DLG2: variants seen among roughly 807,000 people sequenced by gnomAD.
The protein encoded by DLG2 is disks large homolog 2.
DLG2 carries 45 observed loss-of-function variants against 132.5 expected under a neutral mutation model. That is an observed-to-expected ratio of 0.34 (90% CI 0.27 to 0.44). The LOEUF (loss-of-function observed/expected upper bound fraction) is 0.44, where lower values mean the gene tolerates loss of function less well. DLG2 is among the 20% of genes least tolerant of loss of function. The probability of loss-of-function intolerance (pLI) is 1.00; values close to 1 mark genes in which losing one functional copy is unlikely to be tolerated. For missense variants in DLG2, 1,045 were observed against 1,196.9 expected (o/e 0.87, Z 1.87); for synonymous variants, 424 against 419.6 (o/e 1.01, Z -0.13).
intron 18 of DLG2, among the ~76,000 whole-genome samples, chr11:83,775,697 T>A (rs948911567): frequency 1.3e-5 from 2 of 150,914 alleles, no homozygotes; most frequent in Non-Finnish European, 2.9e-5. Context: ...AGAGTTTATA[T>A]AAAATAAGTT....
At chr11:84,138,266 A>G (rs2094688142) in intron 9 of DLG2, among the ~76,000 whole-genome samples, 1 of 152,206 alleles carries the variant, frequency 6.6e-6, no homozygotes, top group South Asian at 2.1e-4. Flanking sequence ...TTTAACAACA[A>G]AGATCAGATT....
intron 3 of DLG2, among the ~76,000 whole-genome samples, chr11:85,588,732 G>A (rs1443603541): frequency 6.6e-6 from 1 of 152,030 alleles, no homozygotes; most frequent in East Asian, 1.9e-4. Flanking sequence ...AGCTAGTGTG[G>A]TCTCTTAGGG....
intron 7 of DLG2, among the ~76,000 whole-genome samples, chr11:84,423,073 T>C (rs2098955741): frequency 6.6e-6 from 1 of 152,152 alleles, no homozygotes; most frequent in Admixed American, 6.5e-5. Context: ...GCACATTTTA[T>C]GGCAAGGTCA....
intron 6 of DLG2, among the ~76,000 whole-genome samples, chr11:84,866,555 GGC>G (rs2084601017): frequency 6.6e-6 from 1 of 151,146 alleles, no homozygotes; most frequent in East Asian, 2.1e-4. Context: ...GCTACTTACT[GGC>G]TATTTGAGCC....
Position 84,862,572 on chromosome 11 carries a change from A to G in DLG2, c.357+249089T>C, listed in dbSNP as rs1202213607. On this transcript the variant is annotated intron_variant, in intron 6 of 27. Coordinates refer to ENST00000376104, the MANE Select transcript of DLG2 (RefSeq NM_001142699.3). ...ATAGCAAAGACTTGAAACCAACCCA[A>G]ATGACCATCAATGATAGACTGGATA... is the stretch of plus-strand genomic sequence containing the variant. 2.6e-5 allele frequency among the ~76,000 whole-genome samples: 4 copies of G among 152,080 alleles called. No individual in the cohort carries two copies. In the East Asian group the frequency reaches 5.8e-4, roughly 22 times the overall value.
At chr11:83,753,467 C>T (rs749745071) in intron 18 of DLG2, among the ~76,000 whole-genome samples, 5 of 151,634 alleles carry the variant, frequency 3.3e-5, no homozygotes, top group East Asian at 3.9e-4. Context: ...AAACTGAGAT[C>T]TCTCCACTCA....
At chr11:83,724,940 G>C (rs1403670944) in intron 18 of DLG2, 1 of 702,260 alleles carries the variant, frequency 1.4e-6, no homozygotes, top group Non-Finnish European at 2.6e-6. Flanking sequence ...CCTCCTGGTT[G>C]AGCTGCTTGG....
intron 3 of DLG2, among the ~76,000 whole-genome samples, chr11:85,497,085 A>T (rs1414140700): frequency 6.6e-6 from 1 of 152,112 alleles, no homozygotes; most frequent in Non-Finnish European, 1.5e-5. Flanking sequence ...GAGTTTGATG[A>T]GTTGACAGAA....
intron 6 of DLG2, among the ~76,000 whole-genome samples, chr11:84,742,036 G>A (rs1442308794): frequency 6.6e-6 from 1 of 151,744 alleles, no homozygotes; most frequent in Non-Finnish European, 1.5e-5. Context: ...AAATACAATT[G>A]AGAGCTTCAA....
intron 7 of DLG2, among the ~76,000 whole-genome samples, chr11:84,458,720 T>G (rs907203408): frequency 6.0e-5 from 9 of 150,774 alleles, no homozygotes; most frequent in African/African-American, 2.2e-4. Context: ...TGTGAATTCT[T>G]CTGTTGCATT....
intron 6 of DLG2, among the ~76,000 whole-genome samples, chr11:85,095,210 T>A (rs1232914264): frequency 1.3e-5 from 2 of 152,118 alleles, no homozygotes; most frequent in Non-Finnish European, 1.5e-5. Context: ...TAATAAAGTG[T>A]GAAATACTGC....
Position 84,859,385 on chromosome 11 carries a change from C to T in DLG2, c.357+252276G>A, listed in dbSNP as rs547836557. 3.6e-3 allele frequency among the ~76,000 whole-genome samples: 504 copies of T among 141,652 alleles called. 3 individuals are homozygous for T. Among genetic ancestry groups the T allele is most frequent in the Non-Finnish European group, 5.9e-3 (389 of 65,658 alleles). 92.9% of individuals were successfully genotyped at this position (141,652 alleles called of 152,430 possible). On this transcript the variant is annotated intron_variant, in intron 6 of 27. Transcript: ENST00000376104. ...ATATGTATATATACACATATATATG[C>T]ATACATATATATGTATATATACATA...
At chr11:83,749,100 C>G (rs991539845) in intron 18 of DLG2, among the ~76,000 whole-genome samples, 1 of 152,120 alleles carries the variant, frequency 6.6e-6, no homozygotes, top group Admixed American at 6.5e-5. Context: ...GGTTGACCAT[C>G]ATAGGCAATA....
At chr11:83,591,107 T>C (rs1225431077) in intron 19 of DLG2, among the ~76,000 whole-genome samples, 1 of 151,472 alleles carries the variant, frequency 6.6e-6, no homozygotes, top group African/African-American at 2.4e-5. Context: ...TTCCAATCAA[T>C]AGAAAAAGAG....
At chr11:83,754,320 C>A (rs2093560010) in intron 18 of DLG2, among the ~76,000 whole-genome samples, 1 of 150,990 alleles carries the variant, frequency 6.6e-6, no homozygotes, top group South Asian at 2.1e-4. Context: ...ATAGTAGTGG[C>A]AGTGGAGCAC....
At chr11:85,358,043 G>A (rs572990198) in intron 3 of DLG2, among the ~76,000 whole-genome samples, 2 of 151,770 alleles carry the variant, frequency 1.3e-5, no homozygotes, top group South Asian at 4.2e-4. Context: ...TAAACCCTAA[G>A]ATGGTGATTA....
intron 18 of DLG2, among the ~76,000 whole-genome samples, chr11:83,763,012 T>C (rs2093978400): frequency 6.6e-6 from 1 of 152,202 alleles, no homozygotes; most frequent in Admixed American, 6.5e-5. Context: ...AGGTTGGCTT[T>C]TTGAGCAGCA....
At chr11:83,500,010 T>G (rs1161100439) in intron 21 of DLG2, among the ~76,000 whole-genome samples, 1 of 150,748 alleles carries the variant, frequency 6.6e-6, no homozygotes, top group African/African-American at 2.4e-5. Context: ...ACTTGGTGAA[T>G]AATGATCTAT....
At chr11:83,546,104 T>C (rs897906977) in intron 19 of DLG2, among the ~76,000 whole-genome samples, 1 of 152,074 alleles carries the variant, frequency 6.6e-6, no homozygotes, top group East Asian at 1.9e-4. Flanking sequence ...TGAATTTCAA[T>C]GTGTGGTGGC....
Sources: gnomAD v4.1 joint callset for allele counts (sites outside exome capture counted in the v4.1 genomes callset) on GRCh38, gnomAD v4.1.1 for gene constraint, MANE v1.5 for transcripts, NCBI Gene and HGNC (gene_info 2026-07-23, HGNC 2026-07-21) for gene names.